The following STPG2 variants were observed in gnomAD, a reference collection of about 807,000 sequenced individuals.
STPG2 encodes the protein sperm-tail PG-rich repeat-containing protein 2.
In STPG2, 56 loss-of-function variants were observed where a neutral mutation model predicts 54.2. The ratio of observed to expected loss-of-function variants is 1.03; its 90% CI spans 0.83 to 1.29. STPG2 has a LOEUF of 1.29. Among genes scored for constraint, STPG2 ranks in the 50% most tolerant of loss-of-function variants. STPG2 has a pLI of 0.00. For missense variants in STPG2, 596 were observed against 544.9 expected (o/e 1.09, Z -0.93); for synonymous variants, 200 against 181.8 (o/e 1.10, Z -0.81).
intron 6 of STPG2, among the ~76,000 whole-genome samples, chr4:97,980,458 GT>G (rs1368484476): frequency 1.3e-5 from 2 of 152,084 alleles, no homozygotes; most frequent in Non-Finnish European, 2.9e-5. Context: ...TATCCTGGGA[GT>G]TCTGTGGCTG....
intron 9 of STPG2, among the ~76,000 whole-genome samples, chr4:97,744,477 A>G (rs192361698): frequency 6.4e-4 from 97 of 151,330 alleles, no homozygotes; most frequent in African/African-American, 2.3e-3. Context: ...TTGGCAATAT[A>G]ATTTTTTATT....
At chr4:97,889,647 T>C (rs1201029133) in intron 8 of STPG2, among the ~76,000 whole-genome samples, 2 of 152,192 alleles carry the variant, frequency 1.3e-5, no homozygotes, top group African/African-American at 4.8e-5. Context: ...GAACTGTGAT[T>C]ACTAATGGCT....
chr4:98,051,324 G>C (rs547608152), intron 5 of STPG2, among the ~76,000 whole-genome samples: 2 of 152,226 alleles, frequency 1.3e-5, no homozygotes, highest in East Asian at 1.9e-4. Context: ...GAAGAAAAAC[G>C]ATCACAAAAT....
chr4:97,459,746 G>A (rs1209323773), intron 4 of STPG2, among the ~76,000 whole-genome samples: 1 of 152,024 alleles, frequency 6.6e-6, no homozygotes, highest in African/African-American at 2.4e-5. Flanking sequence ...CGGCCAGGAT[G>A]CCTCTTTTTA....
At chr4:97,556,904 C>T (rs1033125521), downstream of STPG2, among the ~76,000 whole-genome samples, 1 of 152,156 alleles carries the variant, frequency 6.6e-6, no homozygotes. Context: ...ATAACCCTGG[C>T]CAGGCCTGGT....
At chr4:97,936,480 C>A (rs1732750564) in intron 8 of STPG2, among the ~76,000 whole-genome samples, 1 of 152,092 alleles carries the variant, frequency 6.6e-6, no homozygotes, top group South Asian at 2.1e-4. Context: ...TTTCATTGGT[C>A]TTTGTGCTTT....
At chr4:97,778,291 C>T (rs374112175) in intron 9 of STPG2, among the ~76,000 whole-genome samples, 30 of 151,874 alleles carry the variant, frequency 2.0e-4, no homozygotes, top group Admixed American at 5.2e-4. Context: ...CGGAGGGTCC[C>T]ATGCCTGGCT....
intron 8 of STPG2, among the ~76,000 whole-genome samples, chr4:97,877,308 C>A (rs1004928779): frequency 2.0e-5 from 3 of 151,990 alleles, no homozygotes; most frequent in African/African-American, 7.3e-5. Flanking sequence ...AACTCAATAG[C>A]AAGAAAACAA....
intron 8 of STPG2, among the ~76,000 whole-genome samples, chr4:97,906,304 A>C (rs1731415885): frequency 6.6e-6 from 1 of 152,260 alleles, no homozygotes; most frequent in African/African-American, 2.4e-5. Context: ...CACCCTCCCA[A>C]GACTAAACCA....
At chr4:97,472,083 A>G (rs1056322561) in intron 4 of STPG2, among the ~76,000 whole-genome samples, 1 of 151,980 alleles carries the variant, frequency 6.6e-6, no homozygotes, top group Non-Finnish European at 1.5e-5. Flanking sequence ...CAACAACTAG[A>G]AAAATAAAAA....
intron 5 of STPG2, among the ~76,000 whole-genome samples, chr4:98,020,300 G>A (rs1578787274): frequency 7.6e-6 from 1 of 131,136 alleles, no homozygotes; most frequent in African/African-American, 3.0e-5. Context: ...CTTTGGTTCT[G>A]TTCATATGCT....
downstream of STPG2, among the ~76,000 whole-genome samples, chr4:97,557,763 A>T (rs1354867116): frequency 6.6e-6 from 1 of 152,208 alleles, no homozygotes; most frequent in East Asian, 1.9e-4. Context: ...TTTGCAGGGC[A>T]TATTGGAGCA....
At chr4:97,877,436 T>C (rs1730218219) in intron 8 of STPG2, among the ~76,000 whole-genome samples, 1 of 152,140 alleles carries the variant, frequency 6.6e-6, no homozygotes. Context: ...GACTGGGTAA[T>C]TTATAAAGAA....
chr4:97,945,266 C>A (rs955781534), intron 7 of STPG2, among the ~76,000 whole-genome samples: 13 of 151,988 alleles, frequency 8.6e-5, no homozygotes, highest in African/African-American at 2.9e-4. Flanking sequence ...TGTGTCTTTG[C>A]GTACCCATGG....
At chr4:97,525,796 C>CGTTGTG (rs1216199655) in intron 4 of STPG2, among the ~76,000 whole-genome samples, 4 of 151,794 alleles carry the variant, frequency 2.6e-5, no homozygotes, top group African/African-American at 9.7e-5. Flanking sequence ...AAATAGATCT[C>CGTTGTG]GTTGTGGTTT....
At chr4:97,750,232 T>C (rs1432633595) in intron 9 of STPG2, among the ~76,000 whole-genome samples, 1 of 151,790 alleles carries the variant, frequency 6.6e-6, no homozygotes, top group Non-Finnish European at 1.5e-5. Context: ...AGGCATCAGT[T>C]TCTACTCACC....
At chr4:97,930,952 GA>G (rs1187053023) in intron 8 of STPG2, among the ~76,000 whole-genome samples, 2 of 152,136 alleles carry the variant, frequency 1.3e-5, no homozygotes, top group African/African-American at 2.4e-5. Flanking sequence ...TGGCCTTTGT[GA>G]ATGAGTTCAT....
At chr4:97,982,663 A>T (rs991915734) in intron 5 of STPG2, among the ~76,000 whole-genome samples, 3 of 152,118 alleles carry the variant, frequency 2.0e-5, no homozygotes, top group Non-Finnish European at 4.4e-5. Flanking sequence ...TGCTTTAGTC[A>T]TCATGTCTCT....
chr4:97,807,539 C>T (rs1010392498), intron 9 of STPG2, among the ~76,000 whole-genome samples: 1 of 151,680 alleles, frequency 6.6e-6, no homozygotes, highest in Non-Finnish European at 1.5e-5. Flanking sequence ...AAACTTAATG[C>T]ATTATTCAAA....
Sources: allele counts gnomAD v4.1 joint callset (sites outside exome capture counted in the v4.1 genomes callset), GRCh38; gene constraint gnomAD v4.1.1; transcripts MANE v1.5; gene names NCBI Gene and HGNC (gene_info 2026-07-23, HGNC 2026-07-21).